The following TDRD15 variants were observed in gnomAD, a reference collection of about 807,000 sequenced individuals.
The protein encoded by TDRD15 is tudor domain-containing protein 15.
For synonymous variants in TDRD15, 503 were observed against 314.5 expected, an observed-to-expected ratio of 1.60 and a Z score of -6.34; for missense variants, 1,416 against 904.7, an observed-to-expected ratio of 1.57 and a Z score of -7.25.
chr2:21,144,701 C>G (rs1666005292), downstream of TDRD15, among the ~76,000 whole-genome samples: 1 of 151,774 alleles, frequency 6.6e-6, no homozygotes, highest in African/African-American at 2.4e-5. Context: ...GGTTTAGGAA[C>G]CTAATAACTA....
chr2:21,136,192 G>A (rs1665804134), intron 3 of TDRD15, among the ~76,000 whole-genome samples: 1 of 151,976 alleles, frequency 6.6e-6, no homozygotes, highest in Non-Finnish European at 1.5e-5. Context: ...TATAAACTGA[G>A]TAAAGTGTGG....
At position 21,142,591 on chromosome 2, in the gene TDRD15, C is replaced by G. The variant is rs1277102584; in HGVS notation, c.5124C>G (p.Tyr1708Ter). The G allele has an allele frequency of 1.4e-6, 1 of 711,144 alleles. No individual in the cohort carries two copies. The highest frequency in any genetic ancestry group is 2.6e-6 in the Non-Finnish European group (1 of 382,846). 44.1% of individuals were successfully genotyped at this position (711,144 alleles called of 1,614,324 possible). A position where few individuals can be genotyped will look rare whatever the true frequency, so the allele number is the denominator to read the frequency against. Residue 1708 changes from tyrosine to a stop codon, truncating the protein, a stop_gained, in exon 4 of 4, where the codon TAC becomes TAG. Coordinates refer to ENST00000405799, the MANE Select transcript of TDRD15 (RefSeq NM_001306137.2). LOFTEE classifies it low-confidence loss of function (END_TRUNC). The part of the protein sequence containing the change: ...ENKLRLAEIV[Y>*]NIESKTPVSS... ...AACTTAGACTTGCAGAAATTGTTTA[C>G]AACATTGAATCTAAGACTCCTGTAT...
Position 21,140,711 on chromosome 2 carries a change from T to C in TDRD15, c.3244T>C (p.Leu1082=). Residue 1082 remains leucine, a synonymous_variant, in exon 4 of 4, where the codon TTG becomes CTG. Transcript: ENST00000405799. ...ACCTATGCAAGCTATTAAGTGTTTT[T>C]TGTCAGATCTTAGGGATGTAGATAT... is the stretch of plus-strand genomic sequence containing the variant. ...FTPMQAIKCF[L]SDLRDVDIPA... 5.6e-6 allele frequency: 4 copies of C among 713,672 alleles called. No individual in the cohort carries two copies. The highest frequency in any genetic ancestry group is 1.5e-5 in the South Asian group (1 of 67,086). 44.2% of individuals were successfully genotyped at this position (713,672 alleles called of 1,614,324 possible). A position where few individuals can be genotyped will look rare whatever the true frequency, so the allele number is the denominator to read the frequency against.
chr2:21,126,818 G>C (rs1275862119), intron 1 of TDRD15, among the ~76,000 whole-genome samples: 21 of 152,092 alleles, frequency 1.4e-4, no homozygotes, highest in Admixed American at 1.4e-3. Flanking sequence ...CATTTATCTT[G>C]AGTAAATACT....
At position 21,142,268 on chromosome 2, in the gene TDRD15, G is replaced by A. The variant is rs1665950762; in HGVS notation, c.4801G>A (p.Val1601Ile). The change falls in exon 4 of 4, where the codon GTT (valine) becomes ATT (isoleucine). Residue 1601 changes from valine (V) to isoleucine (I), a missense_variant. Transcript: ENST00000405799. ...TCGATCAAAAGTAGAAGAAAAGTAT[G>A]TTGATGATAAAGTACTTGTTTTTTT... The part of the protein sequence containing the change: ...WHRSKVEEKY[V>I]DDKVLVFLVD... 1.4e-6 allele frequency: 1 copy of A among 695,210 alleles called. No individual in the cohort carries two copies. Among genetic ancestry groups the A allele is most frequent in the African/African-American group, 1.8e-5 (1 of 55,694 alleles). 43.1% of individuals were successfully genotyped at this position (695,210 alleles called of 1,614,324 possible).
In TDRD15 at chr2:21,127,617, C is replaced by G. The variant is rs929590563; in HGVS notation, c.-184C>G. 6.6e-6 allele frequency: 1 copy of G among 152,178 alleles called. No individual in the cohort carries two copies. The highest frequency in any genetic ancestry group is 2.4e-5 in the African/African-American group (1 of 41,450). The allele number at this position is 152,178 out of a possible 1,614,324, so 9.4% of individuals were successfully genotyped here. A position where few individuals can be genotyped will look rare whatever the true frequency, so the allele number is the denominator to read the frequency against. The stretch of plus-strand genomic sequence containing the variant: ...TTTATCTAGGTCTTATTTCTGCATT[C>G]TGATCTGTTCCAGTGAATTATATTT... On this transcript the variant is annotated 5_prime_UTR_variant, in exon 2 of 4. Coordinates refer to ENST00000405799, the MANE Select transcript of TDRD15 (RefSeq NM_001306137.2).
In TDRD15 at chr2:21,143,186, G is replaced by A. The variant is rs1665971443; in HGVS notation, c.5719G>A (p.Val1907Ile). The A allele has an allele frequency of 4.3e-6, 3 of 700,084 alleles. No homozygotes were observed. Among genetic ancestry groups the A allele is most frequent in the South Asian group, 3.1e-5 (2 of 63,678 alleles). The allele number at this position is 700,084 out of a possible 1,614,324, so 43.4% of individuals were successfully genotyped here. A position where few individuals can be genotyped will look rare whatever the true frequency, so the allele number is the denominator to read the frequency against. ...GAAAAACAATTTGGCAGATATATTA[G>A]TTGCATCTGGTCTCGCAACTTATTC... Reference protein sequence around the residue: ...HEKNNLADILVASGLATYSKD... With the variant: ...HEKNNLADILIASGLATYSKD... Residue 1907 changes from valine (V) to isoleucine (I), a missense_variant, in exon 4 of 4, where the codon GTT becomes ATT. By Grantham distance (29) the Val-to-Ile change is conservative. Coordinates refer to ENST00000405799, the MANE Select transcript of TDRD15 (RefSeq NM_001306137.2).
chr2:21,138,549 G>A lies in TDRD15; in HGVS notation c.1082G>A (p.Ser361Asn), dbSNP rs1016114061. Reference protein sequence around the residue: ...SFPCSLTCLHSPDRDARIFQL... With the variant: ...SFPCSLTCLHNPDRDARIFQL... The stretch of plus-strand genomic sequence containing the variant: ...CCATGTTCTCTGACATGTTTGCACA[G>A]TCCAGATAGAGATGCAAGAATATTT... The change falls in exon 4 of 4, where the codon AGT becomes AAT. Residue 361 changes from serine to asparagine, a missense_variant. By Grantham distance (46) the Ser-to-Asn change is conservative. Coordinates refer to ENST00000405799, the MANE Select transcript of TDRD15 (RefSeq NM_001306137.2). 5 of 715,372 alleles carry A rather than the reference G, an allele frequency of 7.0e-6. No homozygotes were observed. The African/African-American group carries it at 8.8e-5, about 13-fold the overall frequency. 44.3% of individuals were successfully genotyped at this position (715,372 alleles called of 1,614,324 possible). A position where few individuals can be genotyped will look rare whatever the true frequency, so the allele number is the denominator to read the frequency against.
intron 2 of TDRD15, among the ~76,000 whole-genome samples, chr2:21,129,697 A>G (rs1451428900): frequency 2.0e-5 from 3 of 151,974 alleles, no homozygotes; most frequent in African/African-American, 7.3e-5. Context: ...GTTTTTTTTA[A>G]ACTTTGATGG....
rs1274051471 is a variant in TDRD15 at position 21,141,944 on chromosome 2, G to A, written c.4477G>A (p.Gly1493Ser). Residue 1493 changes from glycine to serine, a missense_variant, in exon 4 of 4, where the codon GGT becomes AGT. Transcript: ENST00000405799. The stretch of plus-strand genomic sequence containing the variant: ...GGTTCTCTCTCAAAAGGTGAGGCCA[G>A]GTGATAATGAAATGAAGAAAGGAAA... ...PQVLSQKVRPGDNEMKKGKSN... is the reference protein window; with the variant it reads ...PQVLSQKVRPSDNEMKKGKSN... The A allele has an allele frequency of 1.4e-6, 1 of 710,490 alleles. No individual in the cohort carries two copies. The highest frequency in any genetic ancestry group is 2.1e-5 in the Admixed American group (1 of 48,704). 44.0% of individuals were successfully genotyped at this position (710,490 alleles called of 1,614,324 possible). A position where few individuals can be genotyped will look rare whatever the true frequency, so the allele number is the denominator to read the frequency against.
chr2:21,143,405 T>C lies in TDRD15; in HGVS notation c.*133T>C. On this transcript the variant is annotated 3_prime_UTR_variant, in exon 4 of 4. Transcript: ENST00000405799. ...AGGAAAGATGTCTGTAAGAACCTCT[T>C]AAGGAAAATTCGTATTAGTAAAAGA... is the stretch of plus-strand genomic sequence containing the variant. The C allele has an allele frequency of 2.2e-6, 1 of 454,510 alleles. No individual in the cohort carries two copies. Among genetic ancestry groups the C allele is most frequent in the South Asian group, 5.1e-5 (1 of 19,534 alleles). 28.2% of individuals were successfully genotyped at this position (454,510 alleles called of 1,614,324 possible). A position where few individuals can be genotyped will look rare whatever the true frequency, so the allele number is the denominator to read the frequency against.
downstream of TDRD15, among the ~76,000 whole-genome samples, chr2:21,144,391 CAT>C (rs1448788469): frequency 7.2e-5 from 11 of 151,824 alleles, no homozygotes; most frequent in African/African-American, 2.4e-4. Context: ...TAACTAATGT[CAT>C]AACAGGCTAT....
chr2:21,137,236 G>A (rs749824382), intron 3 of TDRD15, among the ~76,000 whole-genome samples: 2 of 151,962 alleles, frequency 1.3e-5, no homozygotes, highest in Non-Finnish European at 2.9e-5. Flanking sequence ...TTTAAAAAAA[G>A]TTTTTGTAAT....
chr2:21,146,718 C>A (rs553540261), downstream of TDRD15, among the ~76,000 whole-genome samples: 7 of 152,120 alleles, frequency 4.6e-5, no homozygotes, highest in Non-Finnish European at 8.8e-5. Context: ...AGAATGACAG[C>A]CCATTTTTAA....
intron 2 of TDRD15, among the ~76,000 whole-genome samples, chr2:21,132,792 A>G (rs1665743399): frequency 6.6e-6 from 1 of 152,146 alleles, no homozygotes; most frequent in Admixed American, 6.5e-5. Context: ...AGATAGTTTT[A>G]ATAAATTAGT....
At chr2:21,127,133 C>T (rs1572293668) in intron 1 of TDRD15, among the ~76,000 whole-genome samples, 1 of 152,046 alleles carries the variant, frequency 6.6e-6, no homozygotes, top group African/African-American at 2.4e-5. Flanking sequence ...AAAGTGGCTG[C>T]TAAATCTTTT....
intron 3 of TDRD15, among the ~76,000 whole-genome samples, chr2:21,135,713 C>T (rs185243471): frequency 6.6e-6 from 1 of 152,080 alleles, no homozygotes; most frequent in East Asian, 1.9e-4. Flanking sequence ...CCATTCCCAC[C>T]CCCACACCCG....
chr2:21,140,212 C>T lies in TDRD15; in HGVS notation c.2745C>T (p.Asn915=). ...LVIIHPNHLY[N]LVDLQSSFTS... is the part of the protein sequence containing the mutation. ...TTATACATCCAAACCATTTATATAA[C>T]TTAGTGGATTTACAGTCCTCATTTA... is the stretch of plus-strand genomic sequence containing the variant. Residue 915 remains asparagine, a synonymous_variant, in exon 4 of 4, where the codon AAC becomes AAT. Coordinates refer to ENST00000405799, the MANE Select transcript of TDRD15 (RefSeq NM_001306137.2). The T allele has an allele frequency of 1.4e-6, 1 of 715,364 alleles. No individual in the cohort carries two copies. The allele number at this position is 715,364 out of a possible 1,614,324, so 44.3% of individuals were successfully genotyped here. A position where few individuals can be genotyped will look rare whatever the true frequency, so the allele number is the denominator to read the frequency against.
rs748993996 is a variant in TDRD15 at position 21,140,002 on chromosome 2, T to A, written c.2535T>A (p.Asp845Glu). ...YGYQKRVLIE[D>E]LCAINPRFLL... ...ACCAAAAAAGGGTTTTAATTGAAGA[T>A]CTTTGTGCAATTAACCCACGTTTTC... Residue 845 changes from aspartate (D) to glutamate (E), a missense_variant, in exon 4 of 4, where the codon GAT becomes GAA. Asp to Glu is a conservative substitution (Grantham distance 45, BLOSUM62 2). Transcript: ENST00000405799. 6.3e-5 allele frequency: 45 copies of A among 715,690 alleles called. No individual in the cohort carries two copies. Among genetic ancestry groups the A allele is most frequent in the Non-Finnish European group, 1.1e-4 (43 of 383,954 alleles). The allele number at this position is 715,690 out of a possible 1,614,324, so 44.3% of individuals were successfully genotyped here. A position where few individuals can be genotyped will look rare whatever the true frequency, so the allele number is the denominator to read the frequency against.
Sources: gnomAD v4.1 joint callset for allele counts (sites outside exome capture counted in the v4.1 genomes callset) on GRCh38, gnomAD v4.1.1 for gene constraint, MANE v1.5 for transcripts, NCBI Gene and HGNC (gene_info 2026-07-23, HGNC 2026-07-21) for gene names.